The following PCSK4 variants were observed in gnomAD, a reference collection of about 807,000 sequenced individuals.
The protein encoded by PCSK4 is proprotein convertase subtilisin/kexin type 4, also known as testicular tissue protein Li 135.
In PCSK4, 64 loss-of-function variants were observed where a neutral mutation model predicts 80.3. The observed-to-expected ratio is 0.80, with a 90% confidence interval of 0.65 to 0.98. PCSK4 has a LOEUF of 0.98. Among genes scored for constraint, PCSK4 ranks in the 50% least tolerant of loss-of-function variants. PCSK4 has a pLI of 0.00. For missense variants in PCSK4, 1,213 were observed against 1,093.6 expected (o/e 1.11, Z -1.54); for synonymous variants, 561 against 487.6 (o/e 1.15, Z -1.98).
At chr19:1,482,609 A>T in intron 13 of PCSK4, 134 bp from the exon 14 acceptor site, 1 of 1,138,120 alleles carries the variant, frequency 8.8e-7, no homozygotes, top group South Asian at 1.5e-5. Context: ...AGGGAATTGC[A>T]CACCTACTGT....
At chr19:1,489,718 C>T in intron 2 of PCSK4, 75 bp downstream of exon 2, 1 of 1,541,240 alleles carries the variant, frequency 6.5e-7, no homozygotes, top group Non-Finnish European at 8.8e-7. Context: ...ACCACGAGAA[C>T]CACAGAAGAT....
At chr19:1,484,841 T>C (rs1284814949) in intron 8 of PCSK4, among the ~76,000 whole-genome samples, 1 of 151,610 alleles carries the variant, frequency 6.6e-6, no homozygotes, top group African/African-American at 2.4e-5. Flanking sequence ...TACCAAGAAC[T>C]GAAGTCAAAA....
chr19:1,490,004 C>G, intron 1 of PCSK4, 107 bp from the exon 2 acceptor site: 1 of 1,525,442 alleles, frequency 6.6e-7, no homozygotes, highest in Non-Finnish European at 8.8e-7. Context: ...CAGGTGCTCT[C>G]TGGGAGTCCC....
chr19:1,485,653 C>G (rs542089297), intron 8 of PCSK4, among the ~76,000 whole-genome samples: 1 of 152,048 alleles, frequency 6.6e-6, no homozygotes. Flanking sequence ...GGGCGGATCA[C>G]GAGGTCAGGA....
chr19:1,486,666 T>C (rs1157407088), intron 8 of PCSK4, among the ~76,000 whole-genome samples, 187 bp downstream of exon 8: 1 of 151,538 alleles, frequency 6.6e-6, no homozygotes, highest in African/African-American at 2.4e-5. Flanking sequence ...TCTCCTGACC[T>C]TGTGATCTGC....
chr19:1,483,254 G>A, intron 12 of PCSK4, 30 bp downstream of exon 12: 4 of 1,521,568 alleles, frequency 2.6e-6, no homozygotes, highest in South Asian at 1.2e-5. Flanking sequence ...AGGGCATGAG[G>A]CCGCCCCCTC....
At chr19:1,487,020 C>G in exon 8 of PCSK4, 4 of 1,608,556 alleles carry the variant, frequency 2.5e-6, no homozygotes, top group Non-Finnish European at 3.4e-6. Flanking sequence ...TGCAGGCCGC[C>G]GTTGCCCGAG....
chr19:1,486,918 T>C (rs770215923), exon 8 of PCSK4: 2 of 1,604,044 alleles, frequency 1.2e-6, no homozygotes, highest in Admixed American at 3.3e-5. Flanking sequence ...CAGGCTTCGC[T>C]GTACCAGGGC....
At chr19:1,483,922 C>T in exon 10 of PCSK4, 3 of 1,475,276 alleles carry the variant, frequency 2.0e-6, no homozygotes, top group Non-Finnish European at 1.8e-6. Context: ...TGCTGCATGT[C>T]TCTCCACGTC....
intron 1 of PCSK4, 127 bp from the exon 2 acceptor site, chr19:1,490,024 G>A (rs1183664328): frequency 6.6e-7 from 1 of 1,521,628 alleles, no homozygotes; most frequent in Admixed American, 2.0e-5. Flanking sequence ...CAGAAGCTGA[G>A]CTTGGCTGAG....
At chr19:1,486,893 G>A (rs373134834) in exon 8 of PCSK4, 29 of 1,600,696 alleles carry the variant, frequency 1.8e-5, no homozygotes, top group Non-Finnish European at 2.4e-5. Flanking sequence ...GTAGGTGGTG[G>A]TGAGGGTGGA....
chr19:1,481,804 C>A, exon 15 of PCSK4: 1 of 1,523,916 alleles, frequency 6.6e-7, no homozygotes, highest in Admixed American at 2.1e-5. Flanking sequence ...TGGGGGTGGC[C>A]CTGGCACGGG....
In PCSK4 at chr19:1,486,508, G is replaced by A. The variant is rs548347908; in HGVS notation, c.1068+345C>T. Among the ~76,000 whole-genome samples the A allele has an allele frequency of 1.7e-4, 26 of 150,796 alleles. No homozygotes were observed. In the South Asian group the frequency reaches 5.1e-3, roughly 29 times the overall value. On this transcript the variant is annotated intron_variant, in intron 8 of 14. Coordinates refer to ENST00000300954, the Ensembl canonical transcript of PCSK4. Reference sequence around the variant, plus strand: ...AGACGGGGTTTCACTCTGTTAGCCAGGATGGTCTCGATCTCCCGACCTCGT... The same window carrying A: ...AGACGGGGTTTCACTCTGTTAGCCAAGATGGTCTCGATCTCCCGACCTCGT...
chr19:1,481,625 C>T lies in PCSK4; in HGVS notation c.*134G>A, dbSNP rs536552031. ...TCTCCCGCCAGGCTTCGGGGTTCCA[C>T]GGGGCCCATCCCTGGCAGGCCAGGC... On this transcript the variant is annotated 3_prime_UTR_variant, in exon 15 of 15. Coordinates refer to ENST00000300954, the Ensembl canonical transcript of PCSK4. 24 of 563,180 alleles carry T rather than the reference C, an allele frequency of 4.3e-5. 1 individual carries two copies. Among genetic ancestry groups the T allele is most frequent in the South Asian group, 3.9e-4 (12 of 30,502 alleles). The allele number at this position is 563,180 out of a possible 1,614,324, so 34.9% of individuals were successfully genotyped here.
intron 2 of PCSK4, 56 bp from the exon 3 acceptor site, chr19:1,488,336 T>A (rs2084752462): frequency 2.1e-6 from 3 of 1,406,550 alleles, no homozygotes; most frequent in Non-Finnish European, 3.0e-6. Context: ...GGGCCCCTCG[T>A]GGTTCAGGGA....
chr19:1,484,462 C>T (rs947520425), intron 8 of PCSK4, among the ~76,000 whole-genome samples: 1 of 151,502 alleles, frequency 6.6e-6, no homozygotes, highest in African/African-American at 2.4e-5. Flanking sequence ...CACTGCACTC[C>T]AGCCTGGGCA....
At chr19:1,484,298 G>T (rs1036051198) in intron 8 of PCSK4, among the ~76,000 whole-genome samples, 171 bp from the exon 9 acceptor site, 1 of 152,022 alleles carries the variant, frequency 6.6e-6, no homozygotes, top group Non-Finnish European at 1.5e-5. Flanking sequence ...GACCAGCCTG[G>T]TCAACATAGT....
intron 3 of PCSK4, 47 bp downstream of exon 3, chr19:1,488,141 G>C (rs779876584): frequency 4.3e-6 from 7 of 1,613,000 alleles, no homozygotes; most frequent in Non-Finnish European, 5.1e-6. Flanking sequence ...GGAGTTGAGG[G>C]CGCCAGCGGC....
chr19:1,483,410 A>G (rs771362508), exon 12 of PCSK4: 28 of 1,598,898 alleles, frequency 1.8e-5, no homozygotes, highest in Non-Finnish European at 1.3e-5. Flanking sequence ...GGAGTTGTGG[A>G]GGCCGGCGCA....
Sources: gnomAD v4.1 joint callset for allele counts (sites outside exome capture counted in the v4.1 genomes callset) on GRCh38, gnomAD v4.1.1 for gene constraint, MANE v1.5 for transcripts, NCBI Gene and HGNC (gene_info 2026-07-23, HGNC 2026-07-21) for gene names.